The following SLC9A9 variants were observed in gnomAD, a reference collection of about 807,000 sequenced individuals.
SLC9A9 encodes sodium/hydrogen exchanger 9.
In SLC9A9, 62 loss-of-function variants were observed where a neutral mutation model predicts 77.8. The observed-to-expected ratio is 0.80, with a 90% CI of 0.65 to 0.98. SLC9A9 has a LOEUF of 0.98. Ranked by LOEUF, SLC9A9 falls within the 50% of genes least tolerant of loss-of-function variation. SLC9A9 has a pLI of 0.00. For synonymous variants in SLC9A9, 320 were observed against 283.5 expected, an observed-to-expected ratio of 1.13 and a Z score of -1.29; for missense variants, 775 against 774.9, an observed-to-expected ratio of 1.00 and a Z score of 0.00.
At chr3:143,703,837 T>C (rs1045966841) in intron 4 of SLC9A9, among the ~76,000 whole-genome samples, 5 of 152,064 alleles carry the variant, frequency 3.3e-5, no homozygotes, top group Admixed American at 3.3e-4. Flanking sequence ...AAAAAGAGAA[T>C]GAAGACTCAA....
intron 11 of SLC9A9, among the ~76,000 whole-genome samples, chr3:143,467,859 A>C (rs1325825267): frequency 6.6e-6 from 1 of 152,174 alleles, no homozygotes; most frequent in Non-Finnish European, 1.5e-5. Context: ...AACAACCAGT[A>C]ATCTATTCTC....
chr3:143,398,600 C>T (rs2033782150), intron 12 of SLC9A9, among the ~76,000 whole-genome samples: 3 of 152,078 alleles, frequency 2.0e-5, no homozygotes, highest in Admixed American at 2.0e-4. Context: ...TAACCCTTTT[C>T]TTTATATTAA....
chr3:143,736,715 C>T (rs1358588802), intron 4 of SLC9A9, among the ~76,000 whole-genome samples: 2 of 152,130 alleles, frequency 1.3e-5, no homozygotes, highest in South Asian at 2.1e-4. Flanking sequence ...TCACAAAAGA[C>T]GAATATCTCA....
At chr3:143,371,287 A>G (rs2033053241) in intron 13 of SLC9A9, among the ~76,000 whole-genome samples, 1 of 152,216 alleles carries the variant, frequency 6.6e-6, no homozygotes, top group Non-Finnish European at 1.5e-5. Flanking sequence ...CTCAGAAAAA[A>G]AGCATGTTTT....
chr3:143,725,330 A>T (rs560523824), intron 4 of SLC9A9, among the ~76,000 whole-genome samples: 106 of 152,158 alleles, frequency 7.0e-4, no homozygotes, highest in Non-Finnish European at 1.3e-3. Context: ...CAGTGTGGCG[A>T]TTCCTCAGGG....
intron 11 of SLC9A9, among the ~76,000 whole-genome samples, chr3:143,477,534 A>G (rs1375037161): frequency 6.6e-6 from 1 of 151,944 alleles, no homozygotes; most frequent in African/African-American, 2.4e-5. Flanking sequence ...TGAAGTCGTA[A>G]GATGGAAGCA....
At chr3:143,841,552 G>A (rs2009707117) in intron 1 of SLC9A9, among the ~76,000 whole-genome samples, 1 of 152,122 alleles carries the variant, frequency 6.6e-6, no homozygotes, top group Non-Finnish European at 1.5e-5. Context: ...ATTCAATGTA[G>A]ATGGTATATG....
chr3:143,679,863 G>C (rs1277906129), intron 5 of SLC9A9, among the ~76,000 whole-genome samples: 1 of 151,956 alleles, frequency 6.6e-6, no homozygotes, highest in Non-Finnish European at 1.5e-5. Flanking sequence ...CACTTAAAGA[G>C]ACAGAAGAAA....
chr3:143,507,216 T>A (rs752325080), intron 9 of SLC9A9, among the ~76,000 whole-genome samples: 18 of 151,788 alleles, frequency 1.2e-4, no homozygotes, highest in African/African-American at 2.7e-4. Flanking sequence ...TATTATTATT[T>A]TTATTTTTTG....
At chr3:143,776,864 A>C (rs2007707951) in intron 4 of SLC9A9, among the ~76,000 whole-genome samples, 1 of 152,246 alleles carries the variant, frequency 6.6e-6, no homozygotes, top group South Asian at 2.1e-4. Flanking sequence ...GTATTCCTAC[A>C]TATAGTTATT....
At chr3:143,566,090 A>C (rs1031510337) in intron 8 of SLC9A9, among the ~76,000 whole-genome samples, 2 of 152,130 alleles carry the variant, frequency 1.3e-5, no homozygotes, top group African/African-American at 4.8e-5. Flanking sequence ...CAACTTACTT[A>C]CTCAGACAAG....
intron 1 of SLC9A9, among the ~76,000 whole-genome samples, chr3:143,837,837 C>T (rs948207926): frequency 2.0e-5 from 3 of 152,198 alleles, no homozygotes; most frequent in Non-Finnish European, 4.4e-5. Flanking sequence ...AAGAGATGAG[C>T]TCTCTTCTTT....
At chr3:143,338,649 G>T (rs1409084620) in intron 14 of SLC9A9, among the ~76,000 whole-genome samples, 2 of 152,114 alleles carry the variant, frequency 1.3e-5, no homozygotes, top group Non-Finnish European at 2.9e-5. Context: ...GCAACCACTG[G>T]GTAGAGGAAA....
chr3:143,466,356 C>T (rs1162682233), intron 12 of SLC9A9, among the ~76,000 whole-genome samples: 1 of 152,218 alleles, frequency 6.6e-6, no homozygotes, highest in East Asian at 1.9e-4. Context: ...ACAAAGACAG[C>T]CACACTTTAA....
intron 14 of SLC9A9, among the ~76,000 whole-genome samples, chr3:143,289,302 G>A (rs899500755): frequency 2.6e-5 from 4 of 152,078 alleles, no homozygotes; most frequent in Non-Finnish European, 5.9e-5. Context: ...AGGCTGCTCC[G>A]GTACAGTTTG....
chr3:143,403,078 C>T (rs182095622), intron 12 of SLC9A9, among the ~76,000 whole-genome samples: 71 of 152,124 alleles, frequency 4.7e-4, no homozygotes, highest in African/African-American at 1.6e-3. Context: ...ATCCTTTGTG[C>T]TGTCATATAT....
At chr3:143,441,189 T>A (rs1003855004) in intron 12 of SLC9A9, among the ~76,000 whole-genome samples, 5 of 152,222 alleles carry the variant, frequency 3.3e-5, no homozygotes, top group African/African-American at 7.2e-5. Context: ...TGAGTATTCA[T>A]GAGTAAATGG....
At chr3:143,691,615 A>T (rs967570930) in intron 5 of SLC9A9, among the ~76,000 whole-genome samples, 12 of 152,146 alleles carry the variant, frequency 7.9e-5, no homozygotes, top group African/African-American at 2.4e-4. Flanking sequence ...GGCTATTACG[A>T]GTGACCACTG....
chr3:143,693,708 C>G (rs62267203), intron 4 of SLC9A9, among the ~76,000 whole-genome samples: 63,665 of 151,884 alleles, frequency 0.42, 13,626 homozygotes, highest in South Asian at 0.6. Context: ...GAAAAGGGTT[C>G]AAATTTCAAG....
Sources: allele counts gnomAD v4.1 joint callset (sites outside exome capture counted in the v4.1 genomes callset), GRCh38; gene constraint gnomAD v4.1.1; transcripts MANE v1.5; gene names NCBI Gene and HGNC (gene_info 2026-07-23, HGNC 2026-07-21).